The following PTPN3 variants were observed in gnomAD, a reference collection of about 807,000 sequenced individuals.
PTPN3 encodes the protein protein tyrosine phosphatase non-receptor type 3, also known as tyrosine-protein phosphatase non-receptor type 3.
Under a neutral mutation model 132.7 loss-of-function variants are expected in PTPN3, and 96 were observed. The observed-to-expected ratio is 0.72, with a 90% confidence interval of 0.61 to 0.86. PTPN3 has a LOEUF of 0.86. Among genes scored for constraint, PTPN3 ranks in the 40% least tolerant of loss-of-function variants. The probability of loss-of-function intolerance (pLI) is 0.00; values close to 1 mark genes in which losing one functional copy is unlikely to be tolerated. For synonymous variants in PTPN3, 398 were observed against 429.0 expected (o/e 0.93, Z 0.89); for missense variants, 1,125 against 1,159.6 (o/e 0.97, Z 0.43).
chr9:109,502,009 C>T (rs749398347), upstream of PTPN3, among the ~76,000 whole-genome samples: 7 of 152,064 alleles, frequency 4.6e-5, no homozygotes, highest in East Asian at 3.8e-4. Flanking sequence ...ATCCAGAAAC[C>T]GTGAAAAACA....
intron 6 of PTPN3, 36 bp downstream of exon 6, chr9:109,448,774 GT>G (rs757122989): frequency 3.6e-5 from 56 of 1,559,522 alleles, no homozygotes; most frequent in Non-Finnish European, 4.4e-5. Context: ...AATTTTGCTA[GT>G]CTAACAGGAA....
intron 14 of PTPN3, 59 bp from the exon 15 acceptor site, chr9:109,410,474 CACT>C: frequency 6.4e-7 from 1 of 1,556,088 alleles, no homozygotes; most frequent in Non-Finnish European, 8.8e-7. Context: ...TTAGAGCAAA[CACT>C]ACTGACTGTA....
At chr9:109,534,366 C>T in the PTPN3 span, 3 of 1,487,804 alleles carry the variant, frequency 2.0e-6, no homozygotes, top group Admixed American at 2.2e-5. Flanking sequence ...CCGGCTGCGG[C>T]AGCTGCGGCT....
chr9:109,432,018 T>C (rs1247392118), intron 10 of PTPN3, among the ~76,000 whole-genome samples: 1 of 149,126 alleles, frequency 6.7e-6, no homozygotes, highest in Non-Finnish European at 1.5e-5. Flanking sequence ...TATATATAAT[T>C]ATATATTTAT....
upstream of PTPN3, among the ~76,000 whole-genome samples, chr9:109,499,732 G>A (rs560516621): frequency 1.3e-5 from 2 of 152,336 alleles, no homozygotes; most frequent in South Asian, 4.1e-4. Flanking sequence ...ACCTCATTTC[G>A]GTCCTTGTCC....
intron 1 of PTPN3, among the ~76,000 whole-genome samples, chr9:109,472,467 C>A (rs1478875204): frequency 6.6e-6 from 1 of 151,914 alleles, no homozygotes; most frequent in African/African-American, 2.4e-5. Flanking sequence ...TATTTTTTTG[C>A]GAACGTTCTT....
At chr9:109,443,233 C>T (rs968394033) in intron 7 of PTPN3, among the ~76,000 whole-genome samples, 6 of 152,008 alleles carry the variant, frequency 3.9e-5, no homozygotes, top group Admixed American at 2.0e-4. Context: ...CGCACCACCA[C>T]ACCCAGCTAA....
rs34903384 is a variant in PTPN3 at position 109,412,942 on chromosome 9, A to ATT, written c.1314-2529_1314-2528dup. Among the ~76,000 whole-genome samples, 444 of 140,024 alleles carry ATT rather than the reference A, an allele frequency of 3.2e-3. 4 individuals carry two copies. Among genetic ancestry groups the ATT allele is most frequent in the Non-Finnish European group, 4.7e-3 (301 of 64,424 alleles). The allele number at this position is 140,024 out of a possible 152,430, so 91.9% of individuals were successfully genotyped here. The stretch of plus-strand genomic sequence containing the variant: ...TCCAAGTCATTTTATGCCCTAACCT[A>ATT]TTTTTTTTTTTTTTTGAGACAGAGT... On this transcript the variant is annotated intron_variant, in intron 14 of 25. Transcript: ENST00000374541.
At position 109,379,334 on chromosome 9, in the gene PTPN3, C is replaced by A. The variant is rs932129815; in HGVS notation, c.*222G>T. On this transcript the variant is annotated 3_prime_UTR_variant, in exon 26 of 26. Coordinates refer to ENST00000374541, the MANE Select transcript of PTPN3 (RefSeq NM_002829.4). Reference sequence around the variant, plus strand: ...AAACTGAGATCCTTTTTGTATCTTTCCATAGAAATACAGGCCTAAATGATG... The same window carrying A: ...AAACTGAGATCCTTTTTGTATCTTTACATAGAAATACAGGCCTAAATGATG... The A allele has an allele frequency of 7.4e-6, 4 of 538,018 alleles. No homozygotes were observed. The South Asian group carries it at 9.8e-5, about 13-fold the overall frequency. 33.3% of individuals were successfully genotyped at this position (538,018 alleles called of 1,614,324 possible).
At chr9:109,511,807 C>T in the PTPN3 span, among the ~76,000 whole-genome samples, 1 of 152,180 alleles carries the variant, frequency 6.6e-6, no homozygotes, top group South Asian at 2.1e-4. Context: ...TGGTTGAATC[C>T]CTGTATTATT....
chr9:109,523,774 C>T, the PTPN3 span, among the ~76,000 whole-genome samples: 1 of 151,584 alleles, frequency 6.6e-6, no homozygotes, highest in Non-Finnish European at 1.5e-5. Context: ...CACACATGCA[C>T]AGACAAACAC....
At chr9:109,497,410 G>A (rs1847717772) in intron 1 of PTPN3, among the ~76,000 whole-genome samples, 2 of 152,186 alleles carry the variant, frequency 1.3e-5, no homozygotes, top group South Asian at 4.1e-4. Context: ...GAGGACCAGA[G>A]AGGTTAAACA....
At chr9:109,386,471 A>G (rs1422215110) in intron 22 of PTPN3, among the ~76,000 whole-genome samples, 1 of 152,150 alleles carries the variant, frequency 6.6e-6, no homozygotes, top group Non-Finnish European at 1.5e-5. Flanking sequence ...GTGCTCTCGA[A>G]TCGGTGTTGG....
intron 22 of PTPN3, among the ~76,000 whole-genome samples, chr9:109,384,896 T>TG (rs1288392106): frequency 2.0e-5 from 3 of 152,354 alleles, no homozygotes; most frequent in South Asian, 2.1e-4. Flanking sequence ...TGGGTAATTT[T>TG]GGTTAGTAGC....
the PTPN3 span, among the ~76,000 whole-genome samples, chr9:109,523,479 G>C: frequency 1.3e-5 from 2 of 151,824 alleles, no homozygotes; most frequent in Non-Finnish European, 2.9e-5. Flanking sequence ...GTACAAGAAT[G>C]CTTTTCTTTC....
At chr9:109,533,977 C>G in the PTPN3 span, 1 of 761,380 alleles carries the variant, frequency 1.3e-6, no homozygotes, top group Non-Finnish European at 2.4e-6. Flanking sequence ...CCTCTGCACC[C>G]TTTTCTCCTT....
chr9:109,389,491 C>G, intron 21 of PTPN3, 112 bp from the exon 22 acceptor site: 1 of 1,130,764 alleles, frequency 8.8e-7, no homozygotes, highest in Non-Finnish European at 1.2e-6. Context: ...AAAATTATCT[C>G]TTTATCAATT....
rs938126773 is a variant in PTPN3, at chr9:109,463,439, A to C, written c.-5T>G. 1 of 1,604,118 alleles carries C rather than the reference A, an allele frequency of 6.2e-7. No homozygotes were observed. The highest frequency in any genetic ancestry group is 1.3e-5 in the African/African-American group (1 of 74,190). ...CGCACGTAACCGGGAGGTCATAACT[A>C]TCGCTGAATAACCTGTAACATAAAA... On this transcript the variant is annotated 5_prime_UTR_variant, in exon 2 of 26. The change abolishes the stop of an existing upstream ORF in the 5' untranslated region. Coordinates refer to ENST00000374541, the MANE Select transcript of PTPN3 (RefSeq NM_002829.4).
chr9:109,386,008 G>T (rs1839553613), intron 22 of PTPN3, among the ~76,000 whole-genome samples: 1 of 152,230 alleles, frequency 6.6e-6, no homozygotes, highest in Non-Finnish European at 1.5e-5. Context: ...TACGCCTGCT[G>T]TGAGTCCTGC....
Sources: gnomAD v4.1 joint callset for allele counts (sites outside exome capture counted in the v4.1 genomes callset) on GRCh38, gnomAD v4.1.1 for gene constraint, MANE v1.5 for transcripts, NCBI Gene and HGNC (gene_info 2026-07-23, HGNC 2026-07-21) for gene names.